Variants in COL11A1 observed in about 807,000 individuals in gnomAD.
COL11A1 encodes collagen alpha-1(XI) chain.
A neutral mutation model predicts 265.2 loss-of-function variants in COL11A1; 74 were observed. The observed-to-expected ratio is 0.28, with a 90% CI of 0.23 to 0.34. The LOEUF (loss-of-function observed/expected upper bound fraction) is 0.34. COL11A1 is among the 10% of genes least tolerant of loss of function. COL11A1 has a pLI of 1.00. For missense variants in COL11A1, 2,165 were observed against 2,263.6 expected (o/e 0.96, Z 0.88); for synonymous variants, 816 against 727.6 (o/e 1.12, Z -1.96).
chr1:103,008,326 T>G (rs1279696009), intron 15 of COL11A1, 137 bp downstream of exon 15: 1 of 694,188 alleles, frequency 1.4e-6, no homozygotes, highest in Non-Finnish European at 2.5e-6. Context: ...ATTTTTTAAT[T>G]TCAAAATAAA....
intron 42 of COL11A1, 93 bp downstream of exon 42, chr1:102,946,756 A>T: frequency 1.0e-6 from 1 of 954,750 alleles, no homozygotes; most frequent in Non-Finnish European, 1.7e-6. Context: ...CAGAGAGAAT[A>T]CGGTGGTGTA....
chr1:102,923,352 C>T lies in COL11A1; in HGVS notation c.3638G>A (p.Gly1213Glu). ...PGPPGEKGEN[G>E]DVGPMGPPGP... ...AAAACTTACCATGGGACCAACATCC[C>T]CATTTTCACCTTTTTCACCAGGTGG... Residue 1213 changes from glycine (G) to glutamate (E), a missense_variant, in exon 47 of 67, where the codon GGG (glycine) becomes GAG (glutamate). By Grantham distance (98) the Gly-to-Glu change is moderately conservative (BLOSUM62 -2). Transcript: ENST00000370096. 1 of 1,606,688 alleles carries T rather than the reference C, an allele frequency of 6.2e-7. No individual in the cohort carries two copies. The highest frequency in any genetic ancestry group is 1.1e-5 in the South Asian group (1 of 90,042).
At chr1:102,917,220 G>A (rs758126572) in intron 49 of COL11A1, among the ~76,000 whole-genome samples, 1 of 151,702 alleles carries the variant, frequency 6.6e-6, no homozygotes, top group Non-Finnish European at 1.5e-5. Context: ...TGACAAAGTT[G>A]ACAAAAACAA....
At chr1:103,000,046 G>T (rs1308818054) in intron 24 of COL11A1, among the ~76,000 whole-genome samples, 1 of 151,796 alleles carries the variant, frequency 6.6e-6, no homozygotes, top group African/African-American at 2.4e-5. Flanking sequence ...CACCGGAAAT[G>T]CAGTAAACTA....
chr1:102,963,796 C>G (rs563038237), intron 38 of COL11A1, among the ~76,000 whole-genome samples: 3 of 151,966 alleles, frequency 2.0e-5, no homozygotes, highest in Non-Finnish European at 4.4e-5. Context: ...GTTTTCTTAA[C>G]TATCTGAACA....
At chr1:103,021,948 G>A (rs375567806) in intron 8 of COL11A1, among the ~76,000 whole-genome samples, 179 bp from the exon 9 acceptor site, 2 of 150,302 alleles carry the variant, frequency 1.3e-5, no homozygotes, top group Admixed American at 6.6e-5. Flanking sequence ...CCGGGTTCAC[G>A]CCATTCTCCT....
intron 57 of COL11A1, among the ~76,000 whole-genome samples, chr1:102,893,106 TA>T (rs1385283469): frequency 6.6e-6 from 1 of 152,168 alleles, no homozygotes; most frequent in Non-Finnish European, 1.5e-5. Context: ...AAGCATAATA[TA>T]AATTTGAATT....
rs148551212 is a variant in COL11A1 at position 102,884,793 on chromosome 1, C to T, written c.4859-1482G>A. ...AAAGGTCAAACCATGCACTTGAAGC[C>T]CTCCAGTCGTCCGCTTGACCCTCTT... On this transcript the variant is annotated intron_variant, in intron 63 of 66. Coordinates refer to ENST00000370096, the MANE Select transcript of COL11A1 (RefSeq NM_001854.4). 8.5e-3 allele frequency among the ~76,000 whole-genome samples: 1,296 copies of T among 152,220 alleles called. 23 individuals carry two copies. The highest frequency in any genetic ancestry group is 0.03 in the African/African-American group (1,229 of 41,544).
chr1:102,923,482 T>C (rs1656225591), intron 46 of COL11A1, 93 bp from the exon 47 acceptor site: 1 of 925,868 alleles, frequency 1.1e-6, no homozygotes, highest in African/African-American at 1.7e-5. Flanking sequence ...AGTATAAAGT[T>C]CAATAAGTAC....
At chr1:102,890,956 A>G (rs542848700) in intron 57 of COL11A1, among the ~76,000 whole-genome samples, 10 of 152,216 alleles carry the variant, frequency 6.6e-5, no homozygotes, top group Admixed American at 1.3e-4. Context: ...AAAAAAATAG[A>G]CAAAATTTTA....
Position 103,049,919 on chromosome 1 carries a change from A to T in COL11A1, c.652-18675T>A, listed in dbSNP as rs2102123217. On this transcript the variant is annotated intron_variant, in intron 4 of 66. Transcript: ENST00000370096. ...AAATTCTTTTCTTTAAGAATGTTGA[A>T]TATTGGCCCCCACTCTCTTCTGGCT... is the stretch of plus-strand genomic sequence containing the variant. 2.0e-5 allele frequency among the ~76,000 whole-genome samples: 3 copies of T among 152,308 alleles called. No individual in the cohort carries two copies. In the South Asian group the frequency reaches 6.2e-4, roughly 32 times the overall value.
chr1:103,039,366 A>C (rs552578794), intron 4 of COL11A1, among the ~76,000 whole-genome samples: 2 of 152,210 alleles, frequency 1.3e-5, no homozygotes, highest in South Asian at 4.1e-4. Flanking sequence ...TGTCCCCTCG[A>C]ATTTGTATGT....
chr1:103,033,055 T>C (rs1384793756), intron 4 of COL11A1, among the ~76,000 whole-genome samples: 1 of 152,056 alleles, frequency 6.6e-6, no homozygotes, highest in Non-Finnish European at 1.5e-5. Context: ...TGGCCCCTTG[T>C]AAAAATTGGG....
chr1:103,005,021 T>C (rs1350352760), intron 18 of COL11A1, among the ~76,000 whole-genome samples: 1 of 152,084 alleles, frequency 6.6e-6, no homozygotes, highest in African/African-American at 2.4e-5. Context: ...TTGGTGATTT[T>C]GACTTAAATA....
intron 4 of COL11A1, among the ~76,000 whole-genome samples, chr1:103,069,431 T>C (rs1671400866): frequency 6.6e-6 from 1 of 151,834 alleles, no homozygotes. Flanking sequence ...ATGACCCATG[T>C]GCAAATCCTG....
chr1:102,887,433 C>A (rs760298715), intron 62 of COL11A1, among the ~76,000 whole-genome samples: 10 of 151,970 alleles, frequency 6.6e-5, no homozygotes, highest in Non-Finnish European at 1.3e-4. Context: ...CACTTTAAAG[C>A]TATTGCGCTA....
At chr1:103,040,911 G>A (rs1238361759) in intron 4 of COL11A1, among the ~76,000 whole-genome samples, 2 of 151,488 alleles carry the variant, frequency 1.3e-5, no homozygotes, top group Non-Finnish European at 3.0e-5. Flanking sequence ...GAAAGATTAT[G>A]TATATTTTAC....
chr1:103,073,996 T>A (rs1159378155), intron 4 of COL11A1, among the ~76,000 whole-genome samples: 2 of 152,008 alleles, frequency 1.3e-5, no homozygotes, highest in Non-Finnish European at 2.9e-5. Context: ...TTTAATGGTG[T>A]CAGAATTCAG....
intron 63 of COL11A1, among the ~76,000 whole-genome samples, chr1:102,884,971 C>T (rs1422145227): frequency 2.0e-5 from 3 of 152,158 alleles, no homozygotes; most frequent in Non-Finnish European, 2.9e-5. Context: ...AAATTAAAAC[C>T]CTTATTCCAG....
Sources: gnomAD v4.1 joint callset for allele counts (sites outside exome capture counted in the v4.1 genomes callset) on GRCh38, gnomAD v4.1.1 for gene constraint, MANE v1.5 for transcripts, NCBI Gene and HGNC (gene_info 2026-07-23, HGNC 2026-07-21) for gene names.